XRCC1: variants seen among roughly 807,000 people sequenced by gnomAD.
XRCC1 encodes X-ray repair cross complementing 1.
Under a neutral mutation model 83.3 loss-of-function variants are expected in XRCC1, and 52 were observed. The ratio of observed to expected loss-of-function variants is 0.62; its 90% CI spans 0.50 to 0.79. The LOEUF is 0.79. Ranked by LOEUF, XRCC1 falls within the 30% of genes least tolerant of loss-of-function variation. The probability of loss-of-function intolerance (pLI) is 0.00; values close to 1 mark genes in which losing one functional copy is unlikely to be tolerated. For missense variants in XRCC1, 793 were observed against 823.5 expected (o/e 0.96, Z 0.45); for synonymous variants, 281 against 312.6 (o/e 0.90, Z 1.07).
At position 43,545,882 on chromosome 19, in the gene XRCC1, C is replaced by T. The variant is rs758886248; in HGVS notation, c.1557G>A (p.Thr519=). 9.3e-6 allele frequency: 15 copies of T among 1,613,956 alleles called. No homozygotes were observed. Among genetic ancestry groups the T allele is most frequent in the South Asian group, 4.4e-5 (4 of 91,080 alleles). ...GTTCCTCACTGTCCGTGTTCTCATC[C>T]GTGGAGCCTGCATACGGGTCTTCCC... ...ENGEDPYAGS[T]DENTDSEEHQ... Residue 519 remains threonine, a synonymous_variant, in exon 14 of 17, where the codon ACG becomes ACA. Transcript: ENST00000262887.
At chr19:43,561,179 A>T (rs1972695607) in intron 2 of XRCC1, among the ~76,000 whole-genome samples, 159 bp from the exon 3 acceptor site, 1 of 152,168 alleles carries the variant, frequency 6.6e-6, no homozygotes. Context: ...CCCTCCATGC[A>T]GCACAGGGTA....
intron 2 of XRCC1, among the ~76,000 whole-genome samples, chr19:43,566,556 T>C (rs112355728): frequency 0.034 from 4,324 of 128,556 alleles, 101 homozygotes; most frequent in African/African-American, 0.072. Flanking sequence ...AAAAAGTAAA[T>C]AAATACTTTT....
At chr19:43,551,505 T>G in intron 10 of XRCC1, 66 bp downstream of exon 10, 2 of 1,404,440 alleles carry the variant, frequency 1.4e-6, no homozygotes. Context: ...CCAGTCTGAC[T>G]CCCCTCCAGA....
intron 2 of XRCC1, among the ~76,000 whole-genome samples, chr19:43,564,366 G>A (rs540256721): frequency 9.9e-5 from 15 of 152,214 alleles, no homozygotes; most frequent in East Asian, 3.9e-4. Flanking sequence ...TCTGCTGCTT[G>A]CCTGGGTGTC....
intron 10 of XRCC1, among the ~76,000 whole-genome samples, chr19:43,550,428 A>G (rs1194199752): frequency 1.3e-5 from 2 of 152,142 alleles, no homozygotes; most frequent in South Asian, 2.1e-4. Flanking sequence ...GTGAAGCTGC[A>G]TGGAGCCCAG....
chr19:43,563,058 G>A (rs972524415), intron 2 of XRCC1, among the ~76,000 whole-genome samples: 5 of 152,236 alleles, frequency 3.3e-5, no homozygotes, highest in Non-Finnish European at 5.9e-5. Context: ...TGACGTGCTA[G>A]AGGAGGAAGA....
chr19:43,573,314 T>G (rs1972822865), intron 2 of XRCC1, among the ~76,000 whole-genome samples: 1 of 152,172 alleles, frequency 6.6e-6, no homozygotes, highest in South Asian at 2.1e-4. Flanking sequence ...TTTCTGGGAT[T>G]AGCAGTAACC....
rs3213298 is a variant in XRCC1, at chr19:43,565,695, G to A, written c.145-4675C>T. Among the ~76,000 whole-genome samples, 373 of 152,364 alleles carry A rather than the reference G, an allele frequency of 2.4e-3. 3 individuals carry two copies. The highest frequency in any genetic ancestry group is 8.5e-3 in the African/African-American group (353 of 41,580). ...TCACGCCTGTAATCCCAGCACCGTG[G>A]GAGGTGGAGGCGGGAGAATCACTTG... On this transcript the variant is annotated intron_variant, in intron 2 of 16. Coordinates refer to ENST00000262887, the MANE Select transcript of XRCC1 (RefSeq NM_006297.3).
rs568083815 is a variant in XRCC1, at chr19:43,562,185, C to G, written c.145-1165G>C. ...AAAAAACCAAGGTACCTAGTCCACC[C>G]TACACTGCCCTCTCCCACCCCTGGT... is the stretch of plus-strand genomic sequence containing the variant. On this transcript the variant is annotated intron_variant, in intron 2 of 16. Transcript: ENST00000262887. Among the ~76,000 whole-genome samples, 4 of 151,864 alleles carry G rather than the reference C, an allele frequency of 2.6e-5. No homozygotes were observed. The South Asian group carries it at 8.3e-4, about 32-fold the overall frequency.
rs1380747491 is a variant in XRCC1 at position 43,546,711 on chromosome 19, G to T, written c.1310C>A (p.Thr437Asn). 1 of 1,609,766 alleles carries T rather than the reference G, an allele frequency of 6.2e-7. No individual in the cohort carries two copies. Among genetic ancestry groups the T allele is most frequent in the Middle Eastern group, 1.7e-4 (1 of 6,010 alleles). ...GGGTCCAGCTGCCTGAGTGGGCTTG[G>T]TTTTGGTCTGGGGTTGCTAAGGAGG... ...KLPQKQPQTKTKPTQAAGPSS... is the reference protein window; with the variant it reads ...KLPQKQPQTKNKPTQAAGPSS... The change falls in exon 12 of 17, where the codon ACC becomes AAC. Residue 437 changes from threonine to asparagine, a missense_variant. By Grantham distance (65) the Thr-to-Asn change is moderately conservative. Coordinates refer to ENST00000262887, the MANE Select transcript of XRCC1 (RefSeq NM_006297.3).
chr19:43,545,155 C>G (rs1414517894), intron 14 of XRCC1, among the ~76,000 whole-genome samples: 1 of 152,162 alleles, frequency 6.6e-6, no homozygotes, highest in Non-Finnish European at 1.5e-5. Context: ...TCCTGCCCAT[C>G]ACCCACGAGG....
chr19:43,568,801 G>A (rs1972779391), intron 2 of XRCC1, among the ~76,000 whole-genome samples: 1 of 137,892 alleles, frequency 7.3e-6, no homozygotes, highest in Admixed American at 8.0e-5. Context: ...GATGGAAAGG[G>A]TGAGGGGAGA....
chr19:43,572,532 A>T (rs913640500), intron 2 of XRCC1, among the ~76,000 whole-genome samples: 2 of 152,232 alleles, frequency 1.3e-5, no homozygotes, highest in African/African-American at 4.8e-5. Flanking sequence ...GGTCAGGTGC[A>T]GTGGCTCATG....
chr19:43,549,083 G>A (rs1600045072), intron 10 of XRCC1, among the ~76,000 whole-genome samples: 1 of 151,918 alleles, frequency 6.6e-6, no homozygotes, highest in Non-Finnish European at 1.5e-5. Flanking sequence ...CTCATAAAAC[G>A]GTGCCTACAG....
chr19:43,557,533 G>A (rs987993538), intron 3 of XRCC1, among the ~76,000 whole-genome samples: 4 of 151,990 alleles, frequency 2.6e-5, no homozygotes, highest in African/African-American at 7.2e-5. Flanking sequence ...TTTTCTTCCT[G>A]ACCTTGACTA....
intron 2 of XRCC1, among the ~76,000 whole-genome samples, chr19:43,574,097 T>TG (rs959540642): frequency 2.6e-5 from 4 of 151,972 alleles, no homozygotes; most frequent in African/African-American, 9.7e-5. Context: ...TTTTATATTT[T>TG]GGGGGTCTCA....
intron 2 of XRCC1, among the ~76,000 whole-genome samples, chr19:43,561,921 G>A (rs1233472137): frequency 3.9e-5 from 6 of 152,112 alleles, no homozygotes; most frequent in Non-Finnish European, 7.3e-5. Flanking sequence ...AGCACTCTGC[G>A]AGGCCAAGGC....
intron 2 of XRCC1, 74 bp from the exon 3 acceptor site, chr19:43,561,094 C>G: frequency 8.4e-7 from 1 of 1,196,060 alleles, no homozygotes; most frequent in Non-Finnish European, 1.2e-6. Context: ...CAGGATGAAT[C>G]TCCTTTGGAT....
intron 14 of XRCC1, among the ~76,000 whole-genome samples, chr19:43,544,933 C>T (rs1972494096): frequency 6.6e-6 from 1 of 152,146 alleles, no homozygotes. Context: ...ACGGGGTGAG[C>T]CACCACGCCT....
Sources: allele counts gnomAD v4.1 joint callset (sites outside exome capture counted in the v4.1 genomes callset), GRCh38; gene constraint gnomAD v4.1.1; transcripts MANE v1.5; gene names NCBI Gene and HGNC (gene_info 2026-07-23, HGNC 2026-07-21).